Variants in KYAT3 observed in about 807,000 individuals in gnomAD.
KYAT3 encodes the protein kynurenine--oxoglutarate transaminase 3.
In KYAT3, 50 loss-of-function variants were observed where a neutral mutation model predicts 59.0. The observed-to-expected ratio is 0.85, with a 90% confidence interval of 0.68 to 1.07. KYAT3 has a LOEUF of 1.07. KYAT3 is among the 50% of genes least tolerant of loss of function. The pLI, the probability that KYAT3 is intolerant of heterozygous loss-of-function variation, is 0.00. For missense variants in KYAT3, 497 were observed against 533.3 expected, an observed-to-expected ratio of 0.93 and a Z score of 0.67; for synonymous variants, 148 against 177.0, an observed-to-expected ratio of 0.84 and a Z score of 1.30.
intron 2 of KYAT3, among the ~76,000 whole-genome samples, chr1:88,971,067 C>G (rs1676538087): frequency 6.6e-6 from 1 of 152,152 alleles, no homozygotes. Flanking sequence ...CTACCAAGTT[C>G]TAGCATGATA....
At chr1:88,930,968 G>A (rs1438627236), downstream of KYAT3, among the ~76,000 whole-genome samples, 1 of 152,194 alleles carries the variant, frequency 6.6e-6, no homozygotes, top group East Asian at 1.9e-4. Flanking sequence ...CCTAGTGTGG[G>A]GTAATCCCCT....
downstream of KYAT3, among the ~76,000 whole-genome samples, chr1:88,935,162 T>A (rs1033873858): frequency 7.5e-6 from 1 of 133,316 alleles, no homozygotes; most frequent in Non-Finnish European, 1.5e-5. Flanking sequence ...CCCAGCCAAT[T>A]TTTTTTTTTT....
In KYAT3 at chr1:88,938,761, C is replaced by T. The variant is rs537578779; in HGVS notation, c.1303-2516G>A. ...ATAGTAGTCCATGGTGTATATGTAC[C>T]ACATTTTCTTTATCCAATGACAGCA... On this transcript the variant is annotated intron_variant, in intron 13 of 13. Transcript: ENST00000260508. 2.0e-5 allele frequency among the ~76,000 whole-genome samples: 3 copies of T among 152,246 alleles called. No individual in the cohort carries two copies. The South Asian group carries it at 6.2e-4, about 32-fold the overall frequency.
chr1:88,990,379 A>T (rs1452346854), intron 1 of KYAT3, among the ~76,000 whole-genome samples: 1 of 152,092 alleles, frequency 6.6e-6, no homozygotes. Flanking sequence ...ACGCTCCTCA[A>T]CCCAGTGCAG....
At position 88,941,900 on chromosome 1, in the gene KYAT3, C is replaced by A. The variant is rs567858755; in HGVS notation, c.1302+1105G>T. 2.9e-4 allele frequency among the ~76,000 whole-genome samples: 44 copies of A among 152,268 alleles called. No individual in the cohort carries two copies. The South Asian group carries it at 6.4e-3, about 22-fold the overall frequency. On this transcript the variant is annotated intron_variant, in intron 13 of 13. Coordinates refer to ENST00000260508, the MANE Select transcript of KYAT3 (RefSeq NM_001008661.3). ...TTGTTTTCAGCAGTTTATGATGTAC[C>A]TAATTGTGCTTTTAAAATATTTATC...
chr1:88,992,711 T>G (rs1331750384), upstream of KYAT3: 2 of 147,686 alleles, frequency 1.4e-5, no homozygotes, highest in Non-Finnish European at 3.0e-5. Flanking sequence ...TTGCACTCAG[T>G]GCGCGCTTTG....
the KYAT3 span, among the ~76,000 whole-genome samples, chr1:88,924,959 G>A: frequency 2.6e-5 from 4 of 152,182 alleles, no homozygotes; most frequent in African/African-American, 9.7e-5. Context: ...CAGAGAACAT[G>A]AGGCTTGCCA....
intron 2 of KYAT3, among the ~76,000 whole-genome samples, chr1:88,970,857 G>A (rs558555551): frequency 6.6e-6 from 1 of 152,250 alleles, no homozygotes; most frequent in African/African-American, 2.4e-5. Context: ...AACGATAATG[G>A]TTATTAAATA....
intron 2 of KYAT3, among the ~76,000 whole-genome samples, chr1:88,986,055 C>A (rs2101093242): frequency 6.6e-6 from 1 of 152,008 alleles, no homozygotes; most frequent in African/African-American, 2.4e-5. Context: ...GTGGCGGGCA[C>A]CTATAGTCCC....
At chr1:88,959,293 T>A (rs1023215182) in intron 8 of KYAT3, among the ~76,000 whole-genome samples, 3 of 145,594 alleles carry the variant, frequency 2.1e-5, no homozygotes, top group African/African-American at 5.1e-5. Flanking sequence ...AAAAAAAAAA[T>A]TAAGGCTGGG....
chr1:88,929,647 C>A, the KYAT3 span, among the ~76,000 whole-genome samples: 139 of 152,278 alleles, frequency 9.1e-4, no homozygotes, highest in African/African-American at 3.2e-3. Flanking sequence ...ACTAAGCCAC[C>A]CAAGCACTCT....
the KYAT3 span, among the ~76,000 whole-genome samples, chr1:88,928,823 G>A: frequency 5.3e-5 from 8 of 152,054 alleles, no homozygotes; most frequent in Non-Finnish European, 7.4e-5. Flanking sequence ...ACTATCCGAG[G>A]GGTCCTAGGA....
chr1:88,985,713 A>T (rs1201561125), intron 2 of KYAT3, among the ~76,000 whole-genome samples: 2 of 152,212 alleles, frequency 1.3e-5, no homozygotes, highest in African/African-American at 4.8e-5. Flanking sequence ...GCAAAGCCAT[A>T]AGCAGAAAAA....
Position 88,935,978 on chromosome 1 carries a change from G to C in KYAT3, c.*205C>G, listed in dbSNP as rs1039651323. 2.1e-6 allele frequency: 1 copy of C among 474,238 alleles called. No homozygotes were observed. Among genetic ancestry groups the C allele is most frequent in the African/African-American group, 1.9e-5 (1 of 52,508 alleles). The allele number at this position is 474,238 out of a possible 1,614,324, so 29.4% of individuals were successfully genotyped here. A position where few individuals can be genotyped will look rare whatever the true frequency, so the allele number is the denominator to read the frequency against. On this transcript the variant is annotated 3_prime_UTR_variant, in exon 14 of 14. Coordinates refer to ENST00000260508, the MANE Select transcript of KYAT3 (RefSeq NM_001008661.3). ...GACTCTTATAAAATGATTGTGGAAG[G>C]TGTGTTAATACATTTCAACTGGAAA...
downstream of KYAT3, among the ~76,000 whole-genome samples, chr1:88,931,432 T>C (rs1674904892): frequency 6.6e-6 from 1 of 152,128 alleles, no homozygotes. Flanking sequence ...TGCTCCAATG[T>C]TAATGACATT....
chr1:88,947,233 T>G (rs2101023934), intron 11 of KYAT3, among the ~76,000 whole-genome samples: 1 of 152,326 alleles, frequency 6.6e-6, no homozygotes, highest in East Asian at 1.9e-4. Context: ...CTGCTCGCTC[T>G]AAACCCATCT....
At chr1:88,956,975 C>T (rs77567451) in intron 8 of KYAT3, among the ~76,000 whole-genome samples, 1 of 152,164 alleles carries the variant, frequency 6.6e-6, no homozygotes, top group African/African-American at 2.4e-5. Context: ...AGTGTTGGTA[C>T]ACACAAAGGG....
intron 8 of KYAT3, 100 bp from the exon 9 acceptor site, chr1:88,955,325 AGT>A (rs1200884567): frequency 1.4e-6 from 1 of 732,728 alleles, no homozygotes; most frequent in African/African-American, 1.8e-5. Context: ...AATGAAAATA[AGT>A]GTGTTATAAT....
intron 5 of KYAT3, 135 bp from the exon 6 acceptor site, chr1:88,962,280 G>T: frequency 9.0e-6 from 6 of 670,184 alleles, no homozygotes; most frequent in Non-Finnish European, 1.3e-5. Context: ...TGCCCTTGTG[G>T]AGCTAACATC....
Sources: allele counts gnomAD v4.1 joint callset (sites outside exome capture counted in the v4.1 genomes callset), GRCh38; gene constraint gnomAD v4.1.1; transcripts MANE v1.5; gene names NCBI Gene and HGNC (gene_info 2026-07-23, HGNC 2026-07-21).